The following USP3 variants were observed in gnomAD, a reference collection of about 807,000 sequenced individuals.
The protein encoded by USP3 is ubiquitin specific peptidase 3, also known as ubiquitin carboxyl-terminal hydrolase 3.
In USP3, 20 loss-of-function variants were observed where a neutral mutation model predicts 72.3. The observed-to-expected ratio is 0.28, with a 90% confidence interval of 0.19 to 0.40. The LOEUF (loss-of-function observed/expected upper bound fraction) is 0.40, where lower values mean the gene tolerates loss of function less well. Among genes scored for constraint, USP3 ranks in the 10% least tolerant of loss-of-function variants. USP3 has a pLI of 1.00. For missense variants in USP3, 479 were observed against 633.9 expected (o/e 0.76, Z 2.62); for synonymous variants, 222 against 225.3 (o/e 0.99, Z 0.13).
Position 63,590,844 on chromosome 15 carries a change from C to T in USP3, c.*18C>T, listed in dbSNP as rs1355997169. On this transcript the variant is annotated 3_prime_UTR_variant, in exon 15 of 15. Coordinates refer to ENST00000380324, the MANE Select transcript of USP3 (RefSeq NM_006537.4). ...AACTTTAATACCTCCTCCAAATCAT[C>T]ATTCACCAACCATACCAGAGAAACA... The T allele has an allele frequency of 6.3e-7, 1 of 1,599,554 alleles. No individual in the cohort carries two copies.
chr15:63,545,502 C>T (rs1441277275), intron 3 of USP3, among the ~76,000 whole-genome samples: 1 of 152,060 alleles, frequency 6.6e-6, no homozygotes, highest in Non-Finnish European at 1.5e-5. Flanking sequence ...CAATATTCTT[C>T]TTACCTTCCT....
At position 63,592,448 on chromosome 15, in the gene USP3, A is replaced by AT. The variant is rs11437615; in HGVS notation, c.*1640dup. 0.12 allele frequency: 15,470 copies of AT among 130,330 alleles called. 946 individuals are homozygous for AT. Among genetic ancestry groups the AT allele is most frequent in the Middle Eastern group, 0.16 (40 of 252 alleles). 8.1% of individuals were successfully genotyped at this position (130,330 alleles called of 1,614,324 possible). ...GTTAAGCCAACGAGACTTTCTGGCA[A>AT]TTTTTTTTTTTTTTTTTTAATGGAG... is the stretch of plus-strand genomic sequence containing the variant. On this transcript the variant is annotated 3_prime_UTR_variant, in exon 15 of 15. Transcript: ENST00000380324.
chr15:63,514,860 C>G (rs771201619), intron 1 of USP3, among the ~76,000 whole-genome samples: 7 of 152,162 alleles, frequency 4.6e-5, no homozygotes, highest in Non-Finnish European at 7.3e-5. Flanking sequence ...TCACCATGGA[C>G]TTGCTTACTC....
At chr15:63,515,230 T>G (rs180826677) in intron 1 of USP3, among the ~76,000 whole-genome samples, 77 of 152,340 alleles carry the variant, frequency 5.1e-4, no homozygotes, top group Non-Finnish European at 9.4e-4. Flanking sequence ...CATTAGGTGT[T>G]TTTCACCAAA....
intron 1 of USP3, among the ~76,000 whole-genome samples, chr15:63,523,096 G>T (rs948324281): frequency 1.3e-5 from 2 of 152,126 alleles, no homozygotes; most frequent in Non-Finnish European, 2.9e-5. Flanking sequence ...ATTTAAGGTG[G>T]TTATAACAGT....
intron 11 of USP3, among the ~76,000 whole-genome samples, chr15:63,585,841 GTTC>G (rs2067049300): frequency 2.4e-5 from 2 of 84,908 alleles, no homozygotes; most frequent in South Asian, 3.4e-4. Context: ...TTTCAATTTT[GTTC>G]TTCTTCAATG....
chr15:63,510,842 A>G (rs2065771372), intron 1 of USP3, among the ~76,000 whole-genome samples: 1 of 152,082 alleles, frequency 6.6e-6, no homozygotes. Context: ...TTCTTTTGAG[A>G]ATGTAGGTAA....
intron 6 of USP3, among the ~76,000 whole-genome samples, chr15:63,558,439 G>A (rs1009321324): frequency 1.3e-5 from 2 of 152,044 alleles, no homozygotes; most frequent in Non-Finnish European, 2.9e-5. Context: ...AGTTGTTTGC[G>A]GTTATTTCCG....
rs1225714949 is a variant in USP3, at chr15:63,532,647, T to C, written c.92T>C (p.Val31Ala). 1.9e-6 allele frequency: 3 copies of C among 1,613,898 alleles called. No homozygotes were observed. In the African/African-American group the frequency reaches 4.0e-5, roughly 22 times the overall value. The change falls in exon 2 of 15, where the codon GTG becomes GCG. Residue 31 changes from valine to alanine, a missense_variant and splice_region_variant. Val to Ala is a moderately conservative substitution (Grantham distance 64). Transcript: ENST00000380324. ...NGSPSSWCCS[V>A]CRSNKSPWVC... ...TATTGTGTATTTTTCTTTTTATTAG[T>C]GTGCCGGTCCAACAAAAGCCCTTGG...
chr15:63,589,136 C>G (rs1566921785), intron 14 of USP3, 125 bp downstream of exon 14: 2 of 1,157,626 alleles, frequency 1.7e-6, no homozygotes, highest in Non-Finnish European at 2.5e-6. Flanking sequence ...GGTGAAATTT[C>G]CTTCAGTTTT....
chr15:63,573,307 G>A (rs1282680853), intron 9 of USP3, among the ~76,000 whole-genome samples: 5 of 152,174 alleles, frequency 3.3e-5, no homozygotes, highest in Non-Finnish European at 7.4e-5. Flanking sequence ...AGCCTCTGTG[G>A]TGGGTACTCT....
chr15:63,579,345 T>A (rs1051826049), intron 11 of USP3, among the ~76,000 whole-genome samples: 1 of 152,138 alleles, frequency 6.6e-6, no homozygotes, highest in Non-Finnish European at 1.5e-5. Context: ...AAAATGAAAG[T>A]AAGGTAGAAA....
rs28758264 is a variant in USP3 at position 63,583,121 on chromosome 15, A to G, written c.1097-5184A>G. Among the ~76,000 whole-genome samples the G allele has an allele frequency of 4.3e-3, 656 of 151,488 alleles. 5 individuals carry two copies. The highest frequency in any genetic ancestry group is 0.03 in the East Asian group (154 of 5,170). ...TGTACAGGTTAAATATAGGGGGGGG[A>G]AAAAGGCTTCTCTGCTGTTGAGGCA... On this transcript the variant is annotated intron_variant, in intron 11 of 14. Transcript: ENST00000380324.
chr15:63,553,656 T>C lies in USP3; in HGVS notation c.285-59T>C. On this transcript the variant is annotated intron_variant, in intron 3 of 14. Coordinates refer to ENST00000380324, the MANE Select transcript of USP3 (RefSeq NM_006537.4). This position sits in a 1 kb window ranked among gnomAD's most constrained non-coding sequence, Gnocchi z 4.2. ...TGGCAACAGCCAGACCTTTTAGTGA[T>C]TTCATTACTGTGGTTTCCTCAAGCT... is the stretch of plus-strand genomic sequence containing the variant. 6.6e-7 allele frequency: 1 copy of C among 1,520,836 alleles called. No individual in the cohort carries two copies. The highest frequency in any genetic ancestry group is 8.9e-7 in the Non-Finnish European group (1 of 1,118,560). The allele number at this position is 1,520,836 out of a possible 1,614,324, so 94.2% of individuals were successfully genotyped here.
At position 63,542,039 on chromosome 15, in the gene USP3, T is replaced by C; in HGVS notation, c.284+4883T>C. On this transcript the variant is annotated intron_variant, in intron 3 of 14. Coordinates refer to ENST00000380324, the MANE Select transcript of USP3 (RefSeq NM_006537.4). Reference sequence around the variant, plus strand: ...AAAAAATGTTTTATTTGTATGATTATTCCTCCTTGTTTCAGATGAGTGAAG... The same window carrying C: ...AAAAAATGTTTTATTTGTATGATTACTCCTCCTTGTTTCAGATGAGTGAAG... 3 of 985,196 alleles carry C rather than the reference T, an allele frequency of 3.0e-6. No individual in the cohort carries two copies. In the South Asian group the frequency reaches 1.4e-4, roughly 46 times the overall value. 61.0% of individuals were successfully genotyped at this position (985,196 alleles called of 1,614,324 possible). A position where few individuals can be genotyped will look rare whatever the true frequency, so the allele number is the denominator to read the frequency against.
chr15:63,530,549 G>A (rs1305028126), intron 1 of USP3: 1 of 391,516 alleles, frequency 2.6e-6, no homozygotes, highest in Admixed American at 3.5e-5. Flanking sequence ...CTGGACTCAA[G>A]CAATCTGCCT....
rs191486859 is a variant in USP3, at chr15:63,571,104, T to C, written c.908+525T>C. On this transcript the variant is annotated intron_variant, in intron 9 of 14. Transcript: ENST00000380324. ...ATAAAACAAAGCTTTTGGATTGCTT[T>C]CCCATGTACTAGCAGCCCCCAAGTA... is the stretch of plus-strand genomic sequence containing the variant. Among the ~76,000 whole-genome samples the C allele has an allele frequency of 1.1e-3, 167 of 152,348 alleles. No homozygotes were observed. The Middle Eastern group carries it at 0.017, about 16-fold the overall frequency.
chr15:63,583,369 G>T (rs2066997613), intron 11 of USP3, among the ~76,000 whole-genome samples: 1 of 152,152 alleles, frequency 6.6e-6, no homozygotes. Flanking sequence ...CTCAGCTACT[G>T]GGGAGGATTG....
At chr15:63,520,368 C>A (rs888845408) in intron 1 of USP3, among the ~76,000 whole-genome samples, 3 of 152,078 alleles carry the variant, frequency 2.0e-5, no homozygotes, top group Non-Finnish European at 4.4e-5. Flanking sequence ...GAATTGCTAA[C>A]CCATACCATT....
Sources: gnomAD v4.1 joint callset for allele counts (sites outside exome capture counted in the v4.1 genomes callset) on GRCh38, gnomAD v4.1.1 for gene constraint, Gnocchi (gnomAD v3.1) non-coding constraint, MANE v1.5 for transcripts, NCBI Gene and HGNC (gene_info 2026-07-23, HGNC 2026-07-21) for gene names.